The following CC2D2B variants were observed in gnomAD, a reference collection of about 807,000 sequenced individuals.
The protein encoded by CC2D2B is coiled-coil and C2 domain containing 2B.
Under a neutral mutation model 161.2 loss-of-function variants are expected in CC2D2B, and 128 were observed. That is an observed-to-expected ratio of 0.79 (90% confidence interval 0.69 to 0.92). The LOEUF (loss-of-function observed/expected upper bound fraction) is 0.92. Among genes scored for constraint, CC2D2B ranks in the 40% least tolerant of loss-of-function variants. CC2D2B has a pLI of 0.00. For synonymous variants in CC2D2B, 391 were observed against 449.8 expected, an observed-to-expected ratio of 0.87 and a Z score of 1.65; for missense variants, 1,173 against 1,375.1, an observed-to-expected ratio of 0.85 and a Z score of 2.32.
At chr10:95,952,271 G>A (rs2076428255) in intron 10 of CC2D2B, 1 of 152,202 alleles carries the variant, frequency 6.6e-6, no homozygotes, top group Non-Finnish European at 1.5e-5. Flanking sequence ...GATAGTATGA[G>A]AGAGTAGAAA....
chr10:96,027,211 G>A lies in CC2D2B; in HGVS notation c.3948-1G>A. On this transcript the variant is annotated splice_acceptor_variant, in intron 33 of 34. Coordinates refer to ENST00000646931, the MANE Select transcript of CC2D2B (RefSeq NM_001349008.3). LOFTEE classifies it high-confidence loss of function. ...AAATTACCTTTGGATTCTTACCTTA[G>A]GATCGAAAGGACTCTGAAGAGTAAA... 1 of 1,518,362 alleles carries A rather than the reference G, an allele frequency of 6.6e-7. No homozygotes were observed. The highest frequency in any genetic ancestry group is 8.9e-7 in the Non-Finnish European group (1 of 1,129,820). 94.1% of individuals were successfully genotyped at this position (1,518,362 alleles called of 1,614,324 possible).
intron 26 of CC2D2B, 38 bp from the exon 27 acceptor site, chr10:96,012,147 C>A: frequency 1.7e-6 from 1 of 577,700 alleles, no homozygotes; most frequent in South Asian, 2.4e-5. Context: ...TGTTTATTTT[C>A]ATCATGCATA....
intron 22 of CC2D2B, 197 bp downstream of exon 22, chr10:95,992,894 A>G (rs894606262): frequency 2.6e-6 from 1 of 379,330 alleles, no homozygotes; most frequent in African/African-American, 2.1e-5. Flanking sequence ...GAGGTTCGAG[A>G]TTCCCAGAGT....
intron 2 of CC2D2B, among the ~76,000 whole-genome samples, chr10:95,916,483 T>C (rs1408631184): frequency 6.6e-6 from 1 of 152,092 alleles, no homozygotes; most frequent in East Asian, 1.9e-4. Flanking sequence ...AGACGCATCA[T>C]TAGGTTATTT....
intron 1 of CC2D2B, among the ~76,000 whole-genome samples, chr10:95,908,744 A>T (rs938431817): frequency 3.1e-5 from 4 of 128,150 alleles, no homozygotes; most frequent in African/African-American, 1.1e-4. Flanking sequence ...GTATAGACAC[A>T]GAGATACATC....
Position 96,012,627 on chromosome 10 carries a change from T to C in CC2D2B, c.3324T>C (p.Phe1108=). The change falls in exon 28 of 35, where the codon TTT becomes TTC. Residue 1108 remains phenylalanine, a synonymous_variant. Coordinates refer to ENST00000646931, the MANE Select transcript of CC2D2B (RefSeq NM_001349008.3). Reference sequence around the variant, plus strand: ...ACCGAAGAATCGTAACTACTGTTTTTAATGATGAAGGGATACAGTTCTTAG... The same window carrying C: ...ACCGAAGAATCGTAACTACTGTTTTCAATGATGAAGGGATACAGTTCTTAG... ...FPNRRIVTTV[F]NDEGIQFLVT... is the part of the protein sequence containing the mutation. 1 of 1,611,912 alleles carries C rather than the reference T, an allele frequency of 6.2e-7. No homozygotes were observed.
At chr10:95,931,645 T>TAGTC (rs1304756612) in intron 6 of CC2D2B, among the ~76,000 whole-genome samples, 1 of 152,198 alleles carries the variant, frequency 6.6e-6, no homozygotes, top group African/African-American at 2.4e-5. Flanking sequence ...ACTTACCCAG[T>TAGTC]AGTCATTCAG....
Position 95,927,415 on chromosome 10 carries a change from G to T in CC2D2B, c.336+83G>T, listed in dbSNP as rs867965948. 1.1e-5 allele frequency: 8 copies of T among 743,912 alleles called. No individual in the cohort carries two copies. In the Middle Eastern group the frequency reaches 1.9e-3, roughly 174 times the overall value. The allele number at this position is 743,912 out of a possible 1,614,324, so 46.1% of individuals were successfully genotyped here. A position where few individuals can be genotyped will look rare whatever the true frequency, so the allele number is the denominator to read the frequency against. On this transcript the variant is annotated intron_variant, in intron 6 of 34. Coordinates refer to ENST00000646931, the MANE Select transcript of CC2D2B (RefSeq NM_001349008.3). Reference sequence around the variant, plus strand: ...TTAAAAGTGCAGAATGAAATACTTGGACGGGAGATAAAGTTTTATTATTGT... The same window carrying T: ...TTAAAAGTGCAGAATGAAATACTTGTACGGGAGATAAAGTTTTATTATTGT...
At chr10:96,024,767 C>T in intron 32 of CC2D2B, 86 bp from the exon 33 acceptor site, 1 of 724,128 alleles carries the variant, frequency 1.4e-6, no homozygotes. Context: ...GTTTGTCTTC[C>T]TCCTTATTAT....
chr10:95,969,695 A>C (rs545828221), intron 15 of CC2D2B, among the ~76,000 whole-genome samples: 2 of 152,238 alleles, frequency 1.3e-5, no homozygotes, highest in East Asian at 1.9e-4. Context: ...ACTCTCTTAC[A>C]ATGTCCCTCT....
chr10:95,947,114 T>TATATATATATATATATATA (rs1491386108), intron 9 of CC2D2B, among the ~76,000 whole-genome samples: 36 of 23,898 alleles, frequency 1.5e-3, no homozygotes, highest in South Asian at 5.1e-3. Flanking sequence ...TATATATATA[T>TATATATATATATATATATA]TTTTTTTTTT....
intron 30 of CC2D2B, among the ~76,000 whole-genome samples, chr10:96,017,034 T>A (rs1198694619): frequency 6.6e-6 from 1 of 152,186 alleles, no homozygotes; most frequent in Non-Finnish European, 1.5e-5. Flanking sequence ...ATGTTTCTAA[T>A]AAGTGTATTT....
chr10:95,963,048 GTT>G (rs1272901706), intron 12 of CC2D2B, among the ~76,000 whole-genome samples: 1 of 151,994 alleles, frequency 6.6e-6, no homozygotes, highest in East Asian at 1.9e-4. Flanking sequence ...GGCCCTTTGT[GTT>G]TGTTCTTCCT....
intron 22 of CC2D2B, among the ~76,000 whole-genome samples, chr10:95,993,939 TG>T: frequency 6.9e-5 from 1 of 14,406 alleles, no homozygotes; most frequent in African/African-American, 2.9e-4. Context: ...TGTGTGTGTG[TG>T]TGTATGTATG....
At chr10:95,998,815 C>T (rs552182910) in intron 24 of CC2D2B, among the ~76,000 whole-genome samples, 2 of 152,202 alleles carry the variant, frequency 1.3e-5, no homozygotes, top group African/African-American at 4.8e-5. Context: ...TTAAACTGTA[C>T]CTAAAAAATA....
Position 95,924,493 on chromosome 10 carries a change from A to G in CC2D2B, c.174+103A>G, listed in dbSNP as rs149863190. On this transcript the variant is annotated intron_variant, in intron 4 of 34. Transcript: ENST00000646931. ...AAAAGAGCCGAAATTCAGTGTTAAT[A>G]TAGCTCCTTAATTCCTAAAGTCTTC... The G allele has an allele frequency of 2.7e-5, 17 of 623,982 alleles. No homozygotes were observed. In the Admixed American group the frequency reaches 3.7e-4, roughly 14 times the overall value. The allele number at this position is 623,982 out of a possible 1,614,324, so 38.7% of individuals were successfully genotyped here.
chr10:95,943,001 C>G (rs2076074421), intron 9 of CC2D2B, among the ~76,000 whole-genome samples: 2 of 152,090 alleles, frequency 1.3e-5, no homozygotes, highest in Admixed American at 6.6e-5. Flanking sequence ...ATTCCCTTCC[C>G]CAGATTTTTT....
intron 19 of CC2D2B, among the ~76,000 whole-genome samples, chr10:95,987,733 C>T (rs2077788579): frequency 6.6e-6 from 1 of 152,122 alleles, no homozygotes; most frequent in Admixed American, 6.6e-5. Context: ...GATATTATTT[C>T]AATTAAGTCT....
intron 24 of CC2D2B, among the ~76,000 whole-genome samples, chr10:96,002,438 G>A (rs1420480910): frequency 6.6e-6 from 1 of 152,028 alleles, no homozygotes; most frequent in East Asian, 1.9e-4. Context: ...GAAGAATTAT[G>A]GTAACATCTG....
Sources: allele counts gnomAD v4.1 joint callset (sites outside exome capture counted in the v4.1 genomes callset), GRCh38; gene constraint gnomAD v4.1.1; transcripts MANE v1.5; gene names NCBI Gene and HGNC (gene_info 2026-07-23, HGNC 2026-07-21).